Variants in MBD6 observed in about 807,000 individuals in gnomAD.
MBD6 encodes methyl-CpG binding domain protein 6, also known as methyl-CpG-binding domain protein 6.
MBD6 carries 22 observed loss-of-function variants against 66.8 expected under a neutral mutation model. That is an observed-to-expected ratio of 0.33 (90% confidence interval 0.24 to 0.47). The LOEUF is 0.47. Among genes scored for constraint, MBD6 ranks in the 20% least tolerant of loss-of-function variants. MBD6 has a pLI of 1.00. For synonymous variants in MBD6, 540 were observed against 534.6 expected, an observed-to-expected ratio of 1.01 and a Z score of -0.14; for missense variants, 1,322 against 1,286.9, an observed-to-expected ratio of 1.03 and a Z score of -0.42.
chr12:57,524,244 T>C, intron 2 of MBD6, 36 bp from the exon 3 acceptor site: 1 of 1,318,838 alleles, frequency 7.6e-7, no homozygotes, highest in Non-Finnish European at 1.0e-6. Context: ...CTCAGTTTAA[T>C]CCTCCTAGTG....
intron 5 of MBD6, 39 bp from the exon 6 acceptor site, chr12:57,525,309 G>A: frequency 6.5e-7 from 1 of 1,534,080 alleles, no homozygotes. Flanking sequence ...TTTTGGAAGG[G>A]GAGCCACAGG....
chr12:57,527,682 TTCACACTCTTGGTGTGAAA>T (rs1387671674), intron 8 of MBD6, 22 bp downstream of exon 8: 1 of 1,569,926 alleles, frequency 6.4e-7, no homozygotes, highest in Non-Finnish European at 8.6e-7. Flanking sequence ...GGAGTGTGAA[TTCACACTCTTGGTGTGAAA>T]AAGCAGGAGT....
upstream of MBD6, chr12:57,521,967 G>A (rs974335483): frequency 1.3e-5 from 2 of 152,100 alleles, no homozygotes; most frequent in African/African-American, 2.4e-5. Flanking sequence ...AAGTTGTGAA[G>A]GTAAAATGAG....
chr12:57,520,756 T>G (rs1276732146), upstream of MBD6: 1 of 114,682 alleles, frequency 8.7e-6, no homozygotes. Flanking sequence ...GGGTGAGTCA[T>G]GCGCGCGCGC....
chr12:57,521,888 C>G (rs533485407), upstream of MBD6: 30 of 152,136 alleles, frequency 2.0e-4, no homozygotes, highest in Non-Finnish European at 4.1e-4. Flanking sequence ...ACCGGAGCCG[C>G]GATTTTAGAC....
intron 3 of MBD6, 106 bp from the exon 4 acceptor site, chr12:57,524,614 T>C (rs1878712902): frequency 8.5e-7 from 1 of 1,171,776 alleles, no homozygotes; most frequent in Non-Finnish European, 1.3e-6. Context: ...ACATTCCTTA[T>C]CCTCTGTTCT....
At chr12:57,520,720 G>A (rs1878259115), upstream of MBD6, 1 of 354,340 alleles carries the variant, frequency 2.8e-6, no homozygotes, top group East Asian at 4.1e-5. Flanking sequence ...AAGTGGCTTT[G>A]GGTCACGAGG....
chr12:57,530,420 G>A, downstream of MBD6: 1 of 401,680 alleles, frequency 2.5e-6, no homozygotes, highest in South Asian at 4.6e-5. Flanking sequence ...AGGCAAAGCA[G>A]TATTGGACAT....
rs772651096 is a variant in MBD6, at chr12:57,525,128, C to T, written c.379+13C>T. On this transcript the variant is annotated intron_variant, in intron 5 of 12. Transcript: ENST00000355673. ...CACTCTTCTCCTGGTGAGTCTTCTG[C>T]CACTTTACAGAAGACCGAGGAAAAC... 5.0e-6 allele frequency: 8 copies of T among 1,602,160 alleles called. No homozygotes were observed. Among genetic ancestry groups the T allele is most frequent in the Non-Finnish European group, 3.4e-6 (4 of 1,176,640 alleles).
intron 1 of MBD6, among the ~76,000 whole-genome samples, chr12:57,523,698 T>C (rs1305012895): frequency 6.6e-6 from 1 of 152,222 alleles, no homozygotes. Context: ...CCAGACACTC[T>C]GGGAAACTTC....
intron 7 of MBD6, 48 bp from the exon 8 acceptor site, chr12:57,527,459 G>T: frequency 1.3e-6 from 2 of 1,597,544 alleles, no homozygotes; most frequent in Non-Finnish European, 1.7e-6. Flanking sequence ...CTATAAATCT[G>T]TTGAGTATTT....
chr12:57,529,323 AC>A lies in MBD6; in HGVS notation c.*90del. 1 of 1,349,544 alleles carries A rather than the reference AC, an allele frequency of 7.4e-7. No individual in the cohort carries two copies. 83.6% of individuals were successfully genotyped at this position (1,349,544 alleles called of 1,614,324 possible). On this transcript the variant is annotated 3_prime_UTR_variant, in exon 13 of 13. Coordinates refer to ENST00000355673, the MANE Select transcript of MBD6 (RefSeq NM_052897.4). ...CCCTGCCAGCCACCTGCACCTGTGG[AC>A]AGTGGGTGGGGGCACTACTCCCCAC...
downstream of MBD6, chr12:57,530,698 C>T (rs1422922255): frequency 6.2e-7 from 1 of 1,613,814 alleles, no homozygotes; most frequent in South Asian, 1.1e-5. Flanking sequence ...CTCACTTTCC[C>T]AGCTTCTTCA....
upstream of MBD6, chr12:57,521,817 C>G (rs958133001): frequency 3.3e-5 from 5 of 152,212 alleles, no homozygotes; most frequent in African/African-American, 7.2e-5. Context: ...AGATTTACAG[C>G]GGAGTCTCAT....
chr12:57,526,868 C>T lies in MBD6; in HGVS notation c.1723C>T (p.Pro575Ser). The change falls in exon 7 of 13, where the codon CCC (proline) becomes TCC (serine). Residue 575 changes from proline (P) to serine (S), a missense_variant. Pro to Ser is a moderately conservative substitution (Grantham distance 74). Coordinates refer to ENST00000355673, the MANE Select transcript of MBD6 (RefSeq NM_052897.4). ...TGGGGQPPPE[P>S]LLPPPGGPGP... is the part of the protein sequence containing the mutation. ...GGGAGGAGGACAACCTCCCCCTGAG[C>T]CCCTGCTACCCCCACCAGGAGGACC... is the stretch of plus-strand genomic sequence containing the variant. The T allele has an allele frequency of 6.2e-7, 1 of 1,613,140 alleles. No homozygotes were observed. Among genetic ancestry groups the T allele is most frequent in the Non-Finnish European group, 8.5e-7 (1 of 1,179,628 alleles).
chr12:57,527,756 T>G (rs761270428), intron 8 of MBD6, 92 bp from the exon 9 acceptor site: 8 of 1,555,958 alleles, frequency 5.1e-6, no homozygotes, highest in Admixed American at 2.0e-5. Flanking sequence ...AGAAAGTCTT[T>G]GGCCACTGGA....
chr12:57,526,118 C>A lies in MBD6; in HGVS notation c.1150C>A (p.Pro384Thr). 1 of 1,614,064 alleles carries A rather than the reference C, an allele frequency of 6.2e-7. No individual in the cohort carries two copies. Among genetic ancestry groups the A allele is most frequent in the South Asian group, 1.1e-5 (1 of 91,084 alleles). Residue 384 changes from proline to threonine, a missense_variant, in exon 6 of 13, where the codon CCT (proline) becomes ACT (threonine). Transcript: ENST00000355673. ...RLLEGRGPQTPRRSRPRAPAP... is the reference protein window; with the variant it reads ...RLLEGRGPQTTRRSRPRAPAP... ...GCTAGAAGGGAGAGGCCCTCAAACC[C>A]CTAGACGGAGCCGTCCTCGGGCCCC...
At chr12:57,528,755 T>G in intron 11 of MBD6, 37 bp downstream of exon 11, 1 of 1,613,318 alleles carries the variant, frequency 6.2e-7, no homozygotes, top group Non-Finnish European at 8.5e-7. Context: ...GGCCTTTGCC[T>G]ACTTCTTTTT....
rs528805663 is a variant in MBD6, at chr12:57,526,075, C to T, written c.1107C>T (p.Pro369=). ...CCTCTCAGCGTCGTCCCCGCAGACC[C>T]CCTACTGTATTTCGATTGCTAGAAG... ...LRPSQRRPRR[P]PTVFRLLEGR... The change falls in exon 6 of 13, where the codon CCC becomes CCT. Residue 369 remains proline, a synonymous_variant. Coordinates refer to ENST00000355673, the MANE Select transcript of MBD6 (RefSeq NM_052897.4). 10 of 1,614,002 alleles carry T rather than the reference C, an allele frequency of 6.2e-6. No individual in the cohort carries two copies. Among genetic ancestry groups the T allele is most frequent in the African/African-American group, 5.3e-5 (4 of 74,990 alleles).
Sources: gnomAD v4.1 joint callset for allele counts (sites outside exome capture counted in the v4.1 genomes callset) on GRCh38, gnomAD v4.1.1 for gene constraint, MANE v1.5 for transcripts, NCBI Gene and HGNC (gene_info 2026-07-23, HGNC 2026-07-21) for gene names.